Variants in AGTPBP1 observed in about 807,000 individuals in gnomAD.
AGTPBP1 encodes the protein cytosolic carboxypeptidase 1.
A neutral mutation model predicts 143.9 loss-of-function variants in AGTPBP1; 70 were observed. The observed-to-expected ratio is 0.49, with a 90% CI of 0.40 to 0.59. The LOEUF (loss-of-function observed/expected upper bound fraction) is 0.59, where lower values mean the gene tolerates loss of function less well. Ranked by LOEUF, AGTPBP1 falls within the 20% of genes least tolerant of loss-of-function variation. The pLI, the probability that AGTPBP1 is intolerant of heterozygous loss-of-function variation, is 0.00. For missense variants in AGTPBP1, 1,229 were observed against 1,464.5 expected, an observed-to-expected ratio of 0.84 and a Z score of 2.62; for synonymous variants, 463 against 500.2, an observed-to-expected ratio of 0.93 and a Z score of 0.99.
At chr9:85,760,449 G>A in the AGTPBP1 span, among the ~76,000 whole-genome samples, 1 of 152,218 alleles carries the variant, frequency 6.6e-6, no homozygotes, top group Non-Finnish European at 1.5e-5. Context: ...TCCCTGGGAT[G>A]CAAGGCTGGT....
the AGTPBP1 span, among the ~76,000 whole-genome samples, chr9:85,793,641 A>C: frequency 6.6e-6 from 1 of 152,186 alleles, no homozygotes; most frequent in African/African-American, 2.4e-5. Context: ...ATACTAACAT[A>C]GTTTTCCTGA....
intron 6 of AGTPBP1, 89 bp downstream of exon 6, chr9:85,677,347 T>A: frequency 8.3e-7 from 1 of 1,207,678 alleles, no homozygotes; most frequent in Non-Finnish European, 1.2e-6. Context: ...ATAAATAACA[T>A]TTTTAAAAAC....
intron 17 of AGTPBP1, among the ~76,000 whole-genome samples, chr9:85,610,638 C>A (rs531737700): frequency 1.3e-5 from 2 of 151,936 alleles, no homozygotes; most frequent in South Asian, 4.2e-4. Flanking sequence ...AACCGGCACG[C>A]CCCAATCAAA....
chr9:85,657,538 C>A lies in AGTPBP1; in HGVS notation c.806G>T (p.Arg269Leu). ...HDNRHRNMLIRKGILQSLKSV... is the reference protein window; with the variant it reads ...HDNRHRNMLILKGILQSLKSV... ...TTTTAAACTCTGTAAAATTCCTTTC[C>A]GAATGAGCATGTTTCTATGCCGGTT... Residue 269 changes from arginine to leucine, a missense_variant, in exon 10 of 26, where the codon CGG (arginine) becomes CTG (leucine). Transcript: ENST00000357081. 6.2e-7 allele frequency: 1 copy of A among 1,613,830 alleles called. No individual in the cohort carries two copies. The highest frequency in any genetic ancestry group is 8.5e-7 in the Non-Finnish European group (1 of 1,179,866).
chr9:85,602,979 A>G (rs1372753004), intron 17 of AGTPBP1, among the ~76,000 whole-genome samples: 1 of 152,208 alleles, frequency 6.6e-6, no homozygotes, highest in African/African-American at 2.4e-5. Flanking sequence ...ACCTAGCCAG[A>G]TGGGAATTGC....
At chr9:85,548,665 G>GTTTTTTT (rs779748206) in intron 25 of AGTPBP1, among the ~76,000 whole-genome samples, 1 of 141,270 alleles carries the variant, frequency 7.1e-6, no homozygotes, top group Non-Finnish European at 1.5e-5. Context: ...TTTGGCTTTG[G>GTTTTTTT]TTTTTTTTTG....
chr9:85,672,316 G>A (rs988701208), intron 7 of AGTPBP1, among the ~76,000 whole-genome samples: 6 of 152,030 alleles, frequency 3.9e-5, no homozygotes, highest in Non-Finnish European at 7.4e-5. Flanking sequence ...TGATCCGCCC[G>A]CCTTGGCCTC....
intron 1 of AGTPBP1, among the ~76,000 whole-genome samples, chr9:85,734,167 C>T (rs1168944239): frequency 6.6e-6 from 1 of 152,034 alleles, no homozygotes; most frequent in African/African-American, 2.4e-5. Context: ...GCAGAAGGAT[C>T]GCTTGAACCC....
intron 25 of AGTPBP1, among the ~76,000 whole-genome samples, chr9:85,567,587 G>A (rs1288794880): frequency 1.3e-5 from 2 of 151,896 alleles, no homozygotes; most frequent in Admixed American, 1.3e-4. Flanking sequence ...ATGAGACCCT[G>A]TCTCAAAAAA....
At chr9:85,586,229 CAAAG>C (rs981888237) in intron 22 of AGTPBP1, among the ~76,000 whole-genome samples, 4 of 147,460 alleles carry the variant, frequency 2.7e-5, no homozygotes, top group African/African-American at 1.0e-4. Flanking sequence ...AAATTAAAAA[CAAAG>C]AATAACAACA....
rs1791242342 is a variant in AGTPBP1 at position 85,619,093 on chromosome 9, C to T, written c.2225G>A (p.Ser742Asn). The T allele has an allele frequency of 1.9e-6, 3 of 1,613,470 alleles. No homozygotes were observed. The highest frequency in any genetic ancestry group is 2.5e-6 in the Non-Finnish European group (3 of 1,179,702). ...YDLILNSDIN[S>N]NHYHQWFYFE... Reference sequence around the variant, plus strand: ...GTAAAACCACTGATGATAATGATTGCTGTTTATGTCTGAGTTCAGAATAAG... The same window carrying T: ...GTAAAACCACTGATGATAATGATTGTTGTTTATGTCTGAGTTCAGAATAAG... The change falls in exon 17 of 26, where the codon AGC (serine) becomes AAC (asparagine). Residue 742 changes from serine (S) to asparagine (N), a missense_variant. Ser to Asn is a conservative substitution (Grantham distance 46). Coordinates refer to ENST00000357081, the MANE Select transcript of AGTPBP1 (RefSeq NM_001330701.2).
At chr9:85,715,551 A>AC (rs1837651207) in intron 1 of AGTPBP1, among the ~76,000 whole-genome samples, 1 of 152,110 alleles carries the variant, frequency 6.6e-6, no homozygotes, top group Non-Finnish European at 1.5e-5. Flanking sequence ...CAAGCATCTA[A>AC]CCCCTGGCAA....
the AGTPBP1 span, among the ~76,000 whole-genome samples, chr9:85,784,917 A>G: frequency 6.6e-6 from 1 of 152,200 alleles, no homozygotes; most frequent in Non-Finnish European, 1.5e-5. Flanking sequence ...TTTATATGAA[A>G]CTTTTCAAAT....
the AGTPBP1 span, among the ~76,000 whole-genome samples, chr9:85,759,100 G>A: frequency 7.9e-5 from 12 of 152,146 alleles, no homozygotes; most frequent in African/African-American, 2.9e-4. Flanking sequence ...ACCCAATACA[G>A]GGGCACTCAG....
the AGTPBP1 span, among the ~76,000 whole-genome samples, chr9:85,773,246 CAGAG>C: frequency 4.3e-5 from 4 of 92,684 alleles, no homozygotes; most frequent in African/African-American, 8.8e-5. Flanking sequence ...GCTTGGGTGA[CAGAG>C]AGAGACTCCT....
the AGTPBP1 span, among the ~76,000 whole-genome samples, chr9:85,758,614 A>G: frequency 4.7e-4 from 71 of 152,294 alleles, no homozygotes; most frequent in African/African-American, 1.6e-3. Flanking sequence ...ATTGCACTCC[A>G]GTCTGGGCGA....
intron 11 of AGTPBP1, among the ~76,000 whole-genome samples, chr9:85,652,447 C>T (rs981305851): frequency 2.0e-5 from 3 of 151,938 alleles, no homozygotes; most frequent in Admixed American, 6.6e-5. Context: ...AGGAAGCGGA[C>T]GCTGCAGTGA....
intron 1 of AGTPBP1, among the ~76,000 whole-genome samples, chr9:85,729,415 T>C (rs1838731801): frequency 6.6e-6 from 1 of 152,148 alleles, no homozygotes; most frequent in Non-Finnish European, 1.5e-5. Flanking sequence ...ACCTAAACCA[T>C]AAAACTCTTA....
Position 85,619,202 on chromosome 9 carries a change from T to C in AGTPBP1, c.2186+13A>G. On this transcript the variant is annotated intron_variant, in intron 16 of 25. Coordinates refer to ENST00000357081, the MANE Select transcript of AGTPBP1 (RefSeq NM_001330701.2). The stretch of plus-strand genomic sequence containing the variant: ...TGTGCACATACAAAATGAGAAAATC[T>C]TAAGTGACTTACTTTCTAATTTGAA... 1.2e-6 allele frequency: 2 copies of C among 1,610,814 alleles called. No homozygotes were observed. Among genetic ancestry groups the C allele is most frequent in the Non-Finnish European group, 1.7e-6 (2 of 1,178,628 alleles).
Sources: gnomAD v4.1 joint callset for allele counts (sites outside exome capture counted in the v4.1 genomes callset) on GRCh38, gnomAD v4.1.1 for gene constraint, MANE v1.5 for transcripts, NCBI Gene and HGNC (gene_info 2026-07-23, HGNC 2026-07-21) for gene names.